GPHN: variants seen among roughly 807,000 people sequenced by gnomAD.
GPHN encodes gephyrin.
A neutral mutation model predicts 95.5 loss-of-function variants in GPHN; 17 were observed. That is an observed-to-expected ratio of 0.18 (90% CI 0.12 to 0.27). The LOEUF is 0.27. Among genes scored for constraint, GPHN ranks in the 10% least tolerant of loss-of-function variants. The pLI is 1.00. For synonymous variants in GPHN, 320 were observed against 322.5 expected, an observed-to-expected ratio of 0.99 and a Z score of 0.08; for missense variants, 660 against 978.1, an observed-to-expected ratio of 0.67 and a Z score of 4.34.
the GPHN span, chr14:67,557,504 C>A: frequency 7.8e-7 from 1 of 1,281,826 alleles, no homozygotes; most frequent in Non-Finnish European, 1.1e-6. Flanking sequence ...TCCGCTCAAG[C>A]CCTCTAGTGC....
chr14:67,685,717 G>T, the GPHN span, among the ~76,000 whole-genome samples: 1 of 151,966 alleles, frequency 6.6e-6, no homozygotes, highest in Non-Finnish European at 1.5e-5. Context: ...CCAGGTTCAA[G>T]CGATTCTCCT....
At chr14:67,519,491 C>T in the GPHN span, among the ~76,000 whole-genome samples, 2 of 152,182 alleles carry the variant, frequency 1.3e-5, no homozygotes, top group Non-Finnish European at 2.9e-5. Context: ...AAGTTGAGTC[C>T]TGCATTCACC....
At chr14:66,625,858 G>T (rs1373698690) in intron 1 of GPHN, among the ~76,000 whole-genome samples, 1 of 152,150 alleles carries the variant, frequency 6.6e-6, no homozygotes, top group African/African-American at 2.4e-5. Context: ...ATATTTAATA[G>T]GGAGGCAATA....
chr14:66,856,432 T>C (rs1368738245), intron 4 of GPHN, among the ~76,000 whole-genome samples: 1 of 152,134 alleles, frequency 6.6e-6, no homozygotes, highest in Non-Finnish European at 1.5e-5. Flanking sequence ...ATTCCCCATA[T>C]CTGTCAGTTG....
chr14:67,279,004 A>G, the GPHN span: 1 of 612,044 alleles, frequency 1.6e-6, no homozygotes, highest in African/African-American at 1.9e-5. Context: ...TTTCCCCCCC[A>G]TCTTTCCCCT....
chr14:67,056,544 T>C (rs1306875702), intron 10 of GPHN, among the ~76,000 whole-genome samples: 1 of 151,806 alleles, frequency 6.6e-6, no homozygotes, highest in East Asian at 1.9e-4. Flanking sequence ...TACAGAGCGC[T>C]GATTGGTGCA....
At chr14:67,407,328 G>A in the GPHN span, among the ~76,000 whole-genome samples, 1 of 151,954 alleles carries the variant, frequency 6.6e-6, no homozygotes, top group Non-Finnish European at 1.5e-5. Flanking sequence ...TCACTATGTT[G>A]TCTAGGCTGG....
the GPHN span, among the ~76,000 whole-genome samples, chr14:67,636,261 CAAAA>C: frequency 2.1e-5 from 3 of 142,692 alleles, no homozygotes; most frequent in African/African-American, 7.7e-5. Flanking sequence ...CTTATGCTGT[CAAAA>C]AAAAAAACCC....
chr14:67,060,705 C>G (rs1594981194), intron 11 of GPHN, among the ~76,000 whole-genome samples: 1 of 152,208 alleles, frequency 6.6e-6, no homozygotes, highest in East Asian at 1.9e-4. Flanking sequence ...GGCTCCTTTA[C>G]AGGCTTGCCT....
At chr14:66,614,548 T>G (rs1042250861) in intron 1 of GPHN, among the ~76,000 whole-genome samples, 6 of 151,130 alleles carry the variant, frequency 4.0e-5, no homozygotes, top group African/African-American at 1.5e-4. Context: ...ATATTAATAG[T>G]AATTATATTC....
chr14:66,640,924 A>C (rs1334910927), intron 1 of GPHN, among the ~76,000 whole-genome samples: 1 of 152,204 alleles, frequency 6.6e-6, no homozygotes, highest in Non-Finnish European at 1.5e-5. Flanking sequence ...CATTCAATAT[A>C]AATTGACTAA....
At chr14:67,005,789 G>A (rs935202643) in intron 9 of GPHN, among the ~76,000 whole-genome samples, 1 of 151,794 alleles carries the variant, frequency 6.6e-6, no homozygotes, top group Non-Finnish European at 1.5e-5. Context: ...ACTTTTATTA[G>A]TAGAGAAAGC....
the GPHN span, among the ~76,000 whole-genome samples, chr14:67,482,319 C>G: frequency 3.9e-5 from 6 of 152,216 alleles, no homozygotes; most frequent in Admixed American, 2.6e-4. Context: ...AGGCTGAAGG[C>G]AAAACCAGAT....
At chr14:66,669,524 C>G (rs574412564) in intron 1 of GPHN, among the ~76,000 whole-genome samples, 1 of 151,804 alleles carries the variant, frequency 6.6e-6, no homozygotes, top group East Asian at 1.9e-4. Context: ...GTATCCTATC[C>G]TTTTATCCCT....
At chr14:67,467,953 C>T in the GPHN span, 4 of 151,924 alleles carry the variant, frequency 2.6e-5, no homozygotes, top group African/African-American at 7.3e-5. Context: ...TTGAGGCTAG[C>T]CTGGGAACCA....
intron 4 of GPHN, among the ~76,000 whole-genome samples, chr14:66,844,448 G>A (rs2062232848): frequency 6.6e-6 from 1 of 152,072 alleles, no homozygotes; most frequent in South Asian, 2.1e-4. Flanking sequence ...GTAAAGTGGG[G>A]TGTGTATGTG....
At chr14:66,698,288 A>G (rs2068251558) in intron 2 of GPHN, among the ~76,000 whole-genome samples, 1 of 152,160 alleles carries the variant, frequency 6.6e-6, no homozygotes, top group African/African-American at 2.4e-5. Flanking sequence ...TACTTGCTGA[A>G]TAAGATTTGT....
chr14:67,491,235 T>C, the GPHN span, among the ~76,000 whole-genome samples: 2 of 152,196 alleles, frequency 1.3e-5, no homozygotes, highest in African/African-American at 4.8e-5. Flanking sequence ...CAGAGATGGA[T>C]AGGGTGACGT....
the GPHN span, among the ~76,000 whole-genome samples, chr14:67,636,721 G>A: frequency 6.6e-6 from 1 of 152,168 alleles, no homozygotes; most frequent in African/African-American, 2.4e-5. Flanking sequence ...AGTAGTACTC[G>A]GTGTATTTTA....
Sources: allele counts gnomAD v4.1 joint callset (sites outside exome capture counted in the v4.1 genomes callset), GRCh38; gene constraint gnomAD v4.1.1; transcripts MANE v1.5; gene names NCBI Gene and HGNC (gene_info 2026-07-23, HGNC 2026-07-21).